Variants in AFF4 observed in about 807,000 individuals in gnomAD.
AFF4 encodes ALF transcription elongation factor 4, also known as AF4/FMR2 family member 4.
Under a neutral mutation model 124.8 loss-of-function variants are expected in AFF4, and 13 were observed. The ratio of observed to expected loss-of-function variants is 0.10; its 90% confidence interval spans 0.07 to 0.17. The LOEUF (loss-of-function observed/expected upper bound fraction) is 0.17, where lower values mean the gene tolerates loss of function less well. Ranked by LOEUF, AFF4 falls within the 10% of genes least tolerant of loss-of-function variation. The pLI is 1.00. For synonymous variants in AFF4, 477 were observed against 496.1 expected (o/e 0.96, Z 0.51); for missense variants, 1,092 against 1,403.8 (o/e 0.78, Z 3.55).
At chr5:132,937,323 T>A in intron 1 of AFF4, 130 bp from the exon 2 acceptor site, 1 of 1,148,138 alleles carries the variant, frequency 8.7e-7, no homozygotes, top group South Asian at 1.8e-5. Context: ...CAGGCATTAG[T>A]GCTGAAGCTG....
chr5:132,922,371 T>C (rs1761067457), intron 5 of AFF4, among the ~76,000 whole-genome samples: 1 of 151,680 alleles, frequency 6.6e-6, no homozygotes, highest in Admixed American at 6.6e-5. Context: ...TGAGCCATGA[T>C]CATGCCACTG....
At chr5:132,909,581 G>A (rs369675838) in intron 5 of AFF4, among the ~76,000 whole-genome samples, 1 of 152,150 alleles carries the variant, frequency 6.6e-6, no homozygotes, top group African/African-American at 2.4e-5. Flanking sequence ...AGATTAAAAA[G>A]AGAGAGGTGT....
At chr5:132,886,795 C>T (rs563901395) in intron 17 of AFF4, among the ~76,000 whole-genome samples, 1 of 152,136 alleles carries the variant, frequency 6.6e-6, no homozygotes, top group Non-Finnish European at 1.5e-5. Context: ...TTATAAAGAC[C>T]GTGCAGGATC....
At chr5:132,906,167 G>A (rs573227599) in intron 5 of AFF4, among the ~76,000 whole-genome samples, 54 of 152,314 alleles carry the variant, frequency 3.5e-4, no homozygotes, top group Non-Finnish European at 5.6e-4. Context: ...GTAAGAATGC[G>A]AAATGGTACA....
At chr5:132,905,403 C>T (rs975719379) in intron 5 of AFF4, among the ~76,000 whole-genome samples, 1 of 152,194 alleles carries the variant, frequency 6.6e-6, no homozygotes, top group African/African-American at 2.4e-5. Context: ...TAAAAGCTTA[C>T]TTAAAAATAA....
chr5:132,893,767 T>C (rs1390998842), intron 11 of AFF4, among the ~76,000 whole-genome samples: 1 of 152,170 alleles, frequency 6.6e-6, no homozygotes, highest in Non-Finnish European at 1.5e-5. Context: ...TGTGAGCCAC[T>C]GCACCCGGCT....
intron 4 of AFF4, among the ~76,000 whole-genome samples, chr5:132,929,839 G>A (rs1159865528): frequency 6.6e-6 from 1 of 152,160 alleles, no homozygotes; most frequent in Non-Finnish European, 1.5e-5. Flanking sequence ...AAAGAATCAG[G>A]TAGCAATGCA....
intron 19 of AFF4, 90 bp from the exon 20 acceptor site, chr5:132,883,650 T>A: frequency 8.7e-7 from 1 of 1,149,448 alleles, no homozygotes; most frequent in Non-Finnish European, 1.2e-6. Context: ...TGAAAGCATT[T>A]AAAATGTAAA....
At chr5:132,912,155 T>C (rs1318323351) in intron 5 of AFF4, among the ~76,000 whole-genome samples, 1 of 145,156 alleles carries the variant, frequency 6.9e-6, no homozygotes, top group Admixed American at 6.9e-5. Context: ...GAGTTCGAGA[T>C]TGTCTCTACT....
chr5:132,934,018 TTCA>T (rs1362135482), intron 3 of AFF4, 126 bp downstream of exon 3: 67 of 1,094,708 alleles, frequency 6.1e-5, no homozygotes, highest in Admixed American at 2.1e-4. Context: ...TTACATTTTT[TTCA>T]TCTTTCAACT....
At chr5:132,929,422 C>T (rs1761252523) in intron 4 of AFF4, among the ~76,000 whole-genome samples, 1 of 152,084 alleles carries the variant, frequency 6.6e-6, no homozygotes, top group Admixed American at 6.6e-5. Context: ...ACTAATAATT[C>T]TATGAACTGT....
intron 1 of AFF4, among the ~76,000 whole-genome samples, chr5:132,957,071 T>C (rs1761981461): frequency 7.6e-6 from 1 of 131,528 alleles, no homozygotes. Flanking sequence ...CCAGGTGCAG[T>C]AACTCATGCC....
At position 132,886,400 on chromosome 5, in the gene AFF4, C is replaced by T; in HGVS notation, c.3009G>A (p.Leu1003=). The change falls in exon 18 of 21, where the codon CTG becomes CTA. Residue 1003 remains leucine (L), a synonymous_variant. Coordinates refer to ENST00000265343, the MANE Select transcript of AFF4 (RefSeq NM_014423.4). ...TCAGGTACAGCAAAGACTCGCATCG[C>T]AGGCTAGCCAATGGAAAAGGGCGGC... The part of the protein sequence containing the change: ...AADKRLTVLC[L]RCESLLYLRL... 6.2e-7 allele frequency: 1 copy of T among 1,613,596 alleles called. No individual in the cohort carries two copies.
At chr5:132,950,349 C>A (rs1377504132) in intron 1 of AFF4, among the ~76,000 whole-genome samples, 1 of 152,222 alleles carries the variant, frequency 6.6e-6, no homozygotes, top group Non-Finnish European at 1.5e-5. Flanking sequence ...GTGGCACATG[C>A]CTGTAATCCC....
rs549136873 is a variant in AFF4 at position 132,919,446 on chromosome 5, T to C, written c.1050+7675A>G. Among the ~76,000 whole-genome samples the C allele has an allele frequency of 7.2e-5, 11 of 152,338 alleles. No homozygotes were observed. In the South Asian group the frequency reaches 1.9e-3, roughly 26 times the overall value. On this transcript the variant is annotated intron_variant, in intron 5 of 20. Coordinates refer to ENST00000265343, the MANE Select transcript of AFF4 (RefSeq NM_014423.4). Reference sequence around the variant, plus strand: ...GAAGGCTTTTAAATAAAGATGCTAATTGGATATGTACATACAAGAGGATAA... The same window carrying C: ...GAAGGCTTTTAAATAAAGATGCTAACTGGATATGTACATACAAGAGGATAA...
chr5:132,880,742 A>C lies in AFF4; in HGVS notation c.*317T>G. The stretch of plus-strand genomic sequence containing the variant: ...AACTAGCCCCAATCTGGGAACTTAA[A>C]AAAATTAAAATAAATAAAATTTCAA... On this transcript the variant is annotated 3_prime_UTR_variant, in exon 21 of 21. Transcript: ENST00000265343. The C allele has an allele frequency of 3.5e-6, 1 of 288,066 alleles. No homozygotes were observed. The highest frequency in any genetic ancestry group is 5.3e-5 in the East Asian group (1 of 18,782). 17.8% of individuals were successfully genotyped at this position (288,066 alleles called of 1,614,324 possible).
At chr5:132,909,000 A>G (rs934408019) in intron 5 of AFF4, among the ~76,000 whole-genome samples, 120 of 151,000 alleles carry the variant, frequency 7.9e-4, no homozygotes, top group African/African-American at 2.9e-3. Flanking sequence ...CGAACTCCTG[A>G]CCTCGTGATC....
At chr5:132,931,137 CG>C (rs1761291061) in intron 4 of AFF4, among the ~76,000 whole-genome samples, 1 of 149,374 alleles carries the variant, frequency 6.7e-6, no homozygotes. Context: ...GTAAAGCAGC[CG>C]GGTGCAGTGG....
chr5:132,948,174 C>T (rs1052270292), intron 1 of AFF4, among the ~76,000 whole-genome samples: 3 of 152,018 alleles, frequency 2.0e-5, no homozygotes, highest in Admixed American at 6.6e-5. Flanking sequence ...CCTCAGCCTC[C>T]CAAACAGCTG....
Sources: allele counts gnomAD v4.1 joint callset (sites outside exome capture counted in the v4.1 genomes callset), GRCh38; gene constraint gnomAD v4.1.1; transcripts MANE v1.5; gene names NCBI Gene and HGNC (gene_info 2026-07-23, HGNC 2026-07-21).